Variants in GPC6 observed in about 807,000 individuals in gnomAD.
The protein encoded by GPC6 is glypican-6.
A neutral mutation model predicts 55.2 loss-of-function variants in GPC6; 14 were observed. The observed-to-expected ratio is 0.25, with a 90% CI of 0.17 to 0.40. GPC6 has a LOEUF of 0.40. GPC6 is among the 10% of genes least tolerant of loss of function. The pLI, the probability that GPC6 is intolerant of heterozygous loss-of-function variation, is 1.00. For synonymous variants in GPC6, 278 were observed against 259.6 expected (o/e 1.07, Z -0.68); for missense variants, 641 against 708.5 (o/e 0.90, Z 1.08).
At chr13:93,921,579 C>T (rs1446387140) in intron 3 of GPC6, among the ~76,000 whole-genome samples, 1 of 151,832 alleles carries the variant, frequency 6.6e-6, no homozygotes, top group Non-Finnish European at 1.5e-5. Context: ...TCTGAACTTC[C>T]CCAGCCGAAT....
chr13:93,808,043 C>T (rs1886590651), intron 2 of GPC6, among the ~76,000 whole-genome samples: 1 of 152,096 alleles, frequency 6.6e-6, no homozygotes, highest in South Asian at 2.1e-4. Flanking sequence ...TTAAGTAGGC[C>T]ACTTACACTT....
At chr13:93,709,845 G>A (rs1002503934) in intron 2 of GPC6, among the ~76,000 whole-genome samples, 1 of 151,778 alleles carries the variant, frequency 6.6e-6, no homozygotes, top group Middle Eastern at 3.4e-3. Context: ...GTTTACACTT[G>A]GCTGGTTAAA....
At chr13:94,192,641 A>T (rs1889436131) in intron 4 of GPC6, among the ~76,000 whole-genome samples, 1 of 152,204 alleles carries the variant, frequency 6.6e-6, no homozygotes, top group Non-Finnish European at 1.5e-5. Flanking sequence ...GTTGTGATGT[A>T]TGTACACTTG....
chr13:94,221,618 C>T (rs1413633860), intron 4 of GPC6, among the ~76,000 whole-genome samples: 1 of 152,066 alleles, frequency 6.6e-6, no homozygotes, highest in African/African-American at 2.4e-5. Flanking sequence ...TTACACTAAC[C>T]TCATATGACA....
intron 1 of GPC6, among the ~76,000 whole-genome samples, chr13:93,269,668 G>A (rs1877443673): frequency 1.3e-5 from 2 of 151,288 alleles, no homozygotes; most frequent in East Asian, 1.9e-4. Flanking sequence ...GCTCACGCCT[G>A]TAATCCCAGC....
intron 4 of GPC6, among the ~76,000 whole-genome samples, chr13:94,146,761 G>A (rs1040803789): frequency 1.3e-5 from 2 of 152,126 alleles, no homozygotes; most frequent in Admixed American, 1.3e-4. Flanking sequence ...ATACCAAAAG[G>A]CAATTTCTTA....
At chr13:93,546,801 G>A (rs550607764) in intron 2 of GPC6, among the ~76,000 whole-genome samples, 2 of 152,268 alleles carry the variant, frequency 1.3e-5, no homozygotes, top group East Asian at 3.9e-4. Context: ...ACATAAAGCA[G>A]GTGATAATGA....
intron 2 of GPC6, among the ~76,000 whole-genome samples, chr13:93,679,740 C>T (rs534137457): frequency 6.6e-6 from 1 of 151,734 alleles, no homozygotes; most frequent in African/African-American, 2.4e-5. Flanking sequence ...TGACCAAGAC[C>T]ATTACTAAAA....
At chr13:93,751,346 G>T (rs891288200) in intron 2 of GPC6, among the ~76,000 whole-genome samples, 1 of 151,704 alleles carries the variant, frequency 6.6e-6, no homozygotes, top group Non-Finnish European at 1.5e-5. Context: ...TAGGTTTAAA[G>T]TTCTGAGAAT....
Position 94,048,448 on chromosome 13 carries a change from T to A in GPC6, c.877+20554T>A, listed in dbSNP as rs543600043. Among the ~76,000 whole-genome samples, 111 of 151,614 alleles carry A rather than the reference T, an allele frequency of 7.3e-4. 1 individual carries two copies. The highest frequency in any genetic ancestry group is 3.4e-3 in the Middle Eastern group (1 of 294). ...AAGCCTGACTTGCAAGTAAAAAAAATTAAAAAAAGAGAGAGAAATAGTTGA... is the reference window on the plus strand; with the variant it reads ...AAGCCTGACTTGCAAGTAAAAAAAAATAAAAAAAGAGAGAGAAATAGTTGA... On this transcript the variant is annotated intron_variant, in intron 4 of 8. Coordinates refer to ENST00000377047, the MANE Select transcript of GPC6 (RefSeq NM_005708.5).
intron 4 of GPC6, among the ~76,000 whole-genome samples, chr13:94,205,758 C>T (rs1453011579): frequency 6.6e-6 from 1 of 152,188 alleles, no homozygotes; most frequent in Non-Finnish European, 1.5e-5. Context: ...AGAATACGTT[C>T]ACTTTTCTTT....
chr13:94,255,383 C>T (rs1362254524), intron 4 of GPC6, among the ~76,000 whole-genome samples: 2 of 152,128 alleles, frequency 1.3e-5, no homozygotes, highest in Admixed American at 6.5e-5. Context: ...TCTTAAATCC[C>T]ATTTTGGAAA....
chr13:93,821,849 T>C lies in GPC6; in HGVS notation c.320-8305T>C, dbSNP rs957303447. The stretch of plus-strand genomic sequence containing the variant: ...TTAATAGCTCTTATTTTAAGGACAC[T>C]CATTTCCTTAAAGGATAACTATTAT... On this transcript the variant is annotated intron_variant, in intron 2 of 8. Transcript: ENST00000377047. Among the ~76,000 whole-genome samples the C allele has an allele frequency of 2.6e-5, 4 of 152,252 alleles. No homozygotes were observed. In the East Asian group the frequency reaches 5.8e-4, roughly 22 times the overall value.
In GPC6 at chr13:93,344,339, G is replaced by C. The variant is rs73542889; in HGVS notation, c.160+116723G>C. 6.1e-3 allele frequency among the ~76,000 whole-genome samples: 922 copies of C among 152,284 alleles called. 11 individuals are homozygous for C. The highest frequency in any genetic ancestry group is 0.02 in the African/African-American group (816 of 41,564). On this transcript the variant is annotated intron_variant, in intron 1 of 8. Coordinates refer to ENST00000377047, the MANE Select transcript of GPC6 (RefSeq NM_005708.5). ...AGCATGGCTGCCTCCAGAGAACCTA[G>C]TAGACTTGTCATATCCCAAGGCAGG...
intron 4 of GPC6, among the ~76,000 whole-genome samples, chr13:94,207,637 C>T (rs1889944875): frequency 6.6e-6 from 1 of 152,134 alleles, no homozygotes; most frequent in African/African-American, 2.4e-5. Context: ...AGAATGAATA[C>T]TCTTTTTTTC....
chr13:94,381,695 C>A (rs1183788013), intron 6 of GPC6, among the ~76,000 whole-genome samples: 3 of 152,132 alleles, frequency 2.0e-5, no homozygotes, highest in South Asian at 2.1e-4. Context: ...CATTATGAAG[C>A]CAAAATGAAA....
intron 2 of GPC6, among the ~76,000 whole-genome samples, chr13:93,584,684 GTT>G (rs779571682): frequency 0.035 from 3,371 of 95,222 alleles, 43 homozygotes; most frequent in African/African-American, 0.15. Flanking sequence ...CCTTCTGAAA[GTT>G]TTTTTTTTTT....
At chr13:93,290,166 C>A (rs1278277265) in intron 1 of GPC6, among the ~76,000 whole-genome samples, 1 of 152,084 alleles carries the variant, frequency 6.6e-6, no homozygotes, top group Non-Finnish European at 1.5e-5. Flanking sequence ...GCAAATTTGT[C>A]AGGTCATCTA....
intron 7 of GPC6, among the ~76,000 whole-genome samples, chr13:94,388,481 C>T (rs937657759): frequency 2.0e-5 from 3 of 152,296 alleles, no homozygotes; most frequent in East Asian, 1.9e-4. Flanking sequence ...GCACAGCCTT[C>T]GCAATGCAGA....
Sources: gnomAD v4.1 joint callset for allele counts (sites outside exome capture counted in the v4.1 genomes callset) on GRCh38, gnomAD v4.1.1 for gene constraint, MANE v1.5 for transcripts, NCBI Gene and HGNC (gene_info 2026-07-23, HGNC 2026-07-21) for gene names.